The following TMPRSS11F variants were observed in gnomAD, a reference collection of about 807,000 sequenced individuals.
The protein encoded by TMPRSS11F is transmembrane protease serine 11F.
A neutral mutation model predicts 60.2 loss-of-function variants in TMPRSS11F; 47 were observed. The ratio of observed to expected loss-of-function variants is 0.78; its 90% confidence interval spans 0.62 to 1.00. The LOEUF (loss-of-function observed/expected upper bound fraction) is 1.00. Among genes scored for constraint, TMPRSS11F ranks in the 50% least tolerant of loss-of-function variants. TMPRSS11F has a pLI of 0.00. For missense variants in TMPRSS11F, 519 were observed against 522.9 expected, an observed-to-expected ratio of 0.99 and a Z score of 0.07; for synonymous variants, 166 against 167.3, an observed-to-expected ratio of 0.99 and a Z score of 0.06.
intron 1 of TMPRSS11F, among the ~76,000 whole-genome samples, chr4:68,105,578 T>C (rs752542117): frequency 2.6e-5 from 4 of 152,136 alleles, no homozygotes; most frequent in African/African-American, 9.7e-5. Flanking sequence ...CAGTAAATAA[T>C]TGGTGGATAG....
At chr4:68,059,592 T>C in intron 8 of TMPRSS11F, 124 bp from the exon 9 acceptor site, 1 of 947,608 alleles carries the variant, frequency 1.1e-6, no homozygotes, top group African/African-American at 1.6e-5. Context: ...TTAGCTATCA[T>C]CTTATTTTCT....
intron 3 of TMPRSS11F, among the ~76,000 whole-genome samples, chr4:68,087,484 C>T (rs913586954): frequency 6.6e-6 from 1 of 152,026 alleles, no homozygotes; most frequent in Non-Finnish European, 1.5e-5. Context: ...CACTCCTATT[C>T]AACATAGTAC....
intron 2 of TMPRSS11F, among the ~76,000 whole-genome samples, chr4:68,096,374 G>C (rs962659380): frequency 2.0e-5 from 3 of 152,162 alleles, no homozygotes; most frequent in Non-Finnish European, 4.4e-5. Context: ...ATAGAGGCAT[G>C]AATTCTATCA....
At chr4:68,072,914 G>C (rs936379358) in intron 4 of TMPRSS11F, among the ~76,000 whole-genome samples, 4 of 152,144 alleles carry the variant, frequency 2.6e-5, no homozygotes, top group Admixed American at 1.3e-4. Flanking sequence ...ACCAAACCTA[G>C]TTTCCTTTGT....
chr4:68,108,320 T>A (rs1192457411), intron 1 of TMPRSS11F, among the ~76,000 whole-genome samples: 2 of 152,182 alleles, frequency 1.3e-5, no homozygotes, highest in East Asian at 3.8e-4. Flanking sequence ...AGTAGTGACA[T>A]CATTCTCAAA....
intron 8 of TMPRSS11F, among the ~76,000 whole-genome samples, chr4:68,061,556 A>G (rs1470552013): frequency 6.6e-6 from 1 of 152,234 alleles, no homozygotes; most frequent in African/African-American, 2.4e-5. Context: ...TTTGGATGCT[A>G]CCTGCTTTAG....
At chr4:68,100,978 T>C (rs530486345) in intron 1 of TMPRSS11F, among the ~76,000 whole-genome samples, 15 of 152,284 alleles carry the variant, frequency 9.9e-5, no homozygotes, top group Admixed American at 9.2e-4. Flanking sequence ...ATTACTTTAT[T>C]ATTCCCATTC....
chr4:68,091,794 T>TCTATCTATCTATCTATCTATCTAC (rs1285573438), intron 2 of TMPRSS11F, among the ~76,000 whole-genome samples: 5 of 145,806 alleles, frequency 3.4e-5, no homozygotes, highest in Admixed American at 1.4e-4. Flanking sequence ...TATCTATCTA[T>TCTATCTATCTATCTATCTATCTAC]CTATCTTTTT....
intron 1 of TMPRSS11F, among the ~76,000 whole-genome samples, chr4:68,125,812 G>A (rs981715544): frequency 3.9e-5 from 6 of 152,240 alleles, no homozygotes; most frequent in African/African-American, 1.4e-4. Flanking sequence ...ATAGTGTTAA[G>A]AGGTCCTGCT....
chr4:68,062,810 T>C (rs376194325), intron 8 of TMPRSS11F: 9 of 754,384 alleles, frequency 1.2e-5, no homozygotes, highest in Non-Finnish European at 2.2e-5. Flanking sequence ...TTTGGACATC[T>C]CTTGATCCGT....
At position 68,070,007 on chromosome 4, in the gene TMPRSS11F, G is replaced by C. The variant is rs1268866029; in HGVS notation, c.515C>G (p.Pro172Arg). 3.1e-6 allele frequency: 5 copies of C among 1,602,088 alleles called. No homozygotes were observed. Among genetic ancestry groups the C allele is most frequent in the South Asian group, 2.2e-5 (2 of 89,310 alleles). The stretch of plus-strand genomic sequence containing the variant: ...ATTCCTCATCTTTTTGCTGTCAATA[G>C]CTGGAATAAGCAAAACATGAATTAG... ...TINKPSFRLTPIDSKKMRNLL... is the reference protein window; with the variant it reads ...TINKPSFRLTRIDSKKMRNLL... Residue 172 changes from proline to arginine, a missense_variant and splice_region_variant, in exon 6 of 10, where the codon CCT becomes CGT. Coordinates refer to ENST00000356291, the MANE Select transcript of TMPRSS11F (RefSeq NM_207407.2).
intron 2 of TMPRSS11F, among the ~76,000 whole-genome samples, chr4:68,092,259 A>G (rs1723958717): frequency 6.6e-6 from 1 of 152,192 alleles, no homozygotes; most frequent in African/African-American, 2.4e-5. Flanking sequence ...CCAGAAAATT[A>G]TATACAAGAG....
At chr4:68,102,476 C>T (rs946956013) in intron 1 of TMPRSS11F, among the ~76,000 whole-genome samples, 2 of 152,156 alleles carry the variant, frequency 1.3e-5, no homozygotes, top group Non-Finnish European at 2.9e-5. Flanking sequence ...CCCTGGTCAA[C>T]ATTTGTTACC....
chr4:68,122,022 A>G (rs1288912185), intron 1 of TMPRSS11F, among the ~76,000 whole-genome samples: 3 of 152,222 alleles, frequency 2.0e-5, no homozygotes, highest in African/African-American at 7.2e-5. Flanking sequence ...TTTTTAAATA[A>G]CCACTTTTTT....
At chr4:68,096,623 A>T (rs778556426) in intron 2 of TMPRSS11F, among the ~76,000 whole-genome samples, 1 of 152,156 alleles carries the variant, frequency 6.6e-6, no homozygotes, top group African/African-American at 2.4e-5. Context: ...AAAGTCACTG[A>T]TTTTATTAAT....
intron 8 of TMPRSS11F, chr4:68,062,396 G>C: frequency 1.8e-6 from 1 of 550,998 alleles, no homozygotes; most frequent in South Asian, 1.5e-5. Flanking sequence ...AGTATTAGAT[G>C]TTCTTTCCAT....
intron 3 of TMPRSS11F, among the ~76,000 whole-genome samples, chr4:68,076,255 T>C (rs1434123537): frequency 2.6e-5 from 4 of 152,290 alleles, no homozygotes; most frequent in Admixed American, 2.6e-4. Context: ...CCATTTCTAG[T>C]TGAAGGCTGG....
At chr4:68,070,034 T>C in intron 5 of TMPRSS11F, 27 bp from the exon 6 acceptor site, 1 of 1,598,224 alleles carries the variant, frequency 6.3e-7, no homozygotes, top group South Asian at 1.1e-5. Context: ...ATGAATTAGT[T>C]GGCAGAAGAA....
intron 8 of TMPRSS11F, among the ~76,000 whole-genome samples, chr4:68,061,490 A>G (rs1723173194): frequency 2.0e-5 from 3 of 152,226 alleles, no homozygotes. Context: ...TAGTCTTTAT[A>G]TCACAAATGT....
Sources: allele counts gnomAD v4.1 joint callset (sites outside exome capture counted in the v4.1 genomes callset), GRCh38; gene constraint gnomAD v4.1.1; transcripts MANE v1.5; gene names NCBI Gene and HGNC (gene_info 2026-07-23, HGNC 2026-07-21).